The following SHISA9 variants were observed in gnomAD, a reference collection of about 807,000 sequenced individuals.
SHISA9 encodes shisa family member 9, also known as protein shisa-9.
SHISA9 carries 13 observed loss-of-function variants against 38.0 expected under a neutral mutation model. The observed-to-expected ratio is 0.34, with a 90% CI of 0.22 to 0.54. The LOEUF (loss-of-function observed/expected upper bound fraction) is 0.54, where lower values mean the gene tolerates loss of function less well. SHISA9 is among the 20% of genes least tolerant of loss of function. SHISA9 has a pLI of 0.91. For synonymous variants in SHISA9, 275 were observed against 242.0 expected (o/e 1.14, Z -1.27); for missense variants, 538 against 575.8 (o/e 0.93, Z 0.67).
In SHISA9 at chr16:13,150,430, C is replaced by A. The variant is rs74012291; in HGVS notation, c.692-52964C>A. On this transcript the variant is annotated intron_variant, in intron 2 of 4. Coordinates refer to ENST00000558583, the MANE Select transcript of SHISA9 (RefSeq NM_001145204.3). Reference sequence around the variant, plus strand: ...TCCATGTCTCCCAACCCCCTGCCATCCTTCATTATTGTGGTAGACTTGGCC... The same window carrying A: ...TCCATGTCTCCCAACCCCCTGCCATACTTCATTATTGTGGTAGACTTGGCC... Among the ~76,000 whole-genome samples, 503 of 152,262 alleles carry A rather than the reference C, an allele frequency of 3.3e-3. 5 individuals carry two copies. The highest frequency in any genetic ancestry group is 0.012 in the African/African-American group (480 of 41,542).
chr16:13,254,247 T>C, the SHISA9 span, among the ~76,000 whole-genome samples: 1 of 152,212 alleles, frequency 6.6e-6, no homozygotes. Flanking sequence ...TGAAGTGATT[T>C]GCCCAAAGCC....
the SHISA9 span, among the ~76,000 whole-genome samples, chr16:13,543,978 T>G: frequency 6.6e-6 from 1 of 152,008 alleles, no homozygotes; most frequent in East Asian, 1.9e-4. Flanking sequence ...GCTGAACAAA[T>G]AGAAACCCAG....
At chr16:13,258,849 A>C in the SHISA9 span, among the ~76,000 whole-genome samples, 2 of 152,210 alleles carry the variant, frequency 1.3e-5, no homozygotes, top group Non-Finnish European at 2.9e-5. Flanking sequence ...ATACATGGGA[A>C]TTCTAGGAGA....
At chr16:13,530,843 G>A in the SHISA9 span, among the ~76,000 whole-genome samples, 1 of 152,156 alleles carries the variant, frequency 6.6e-6, no homozygotes, top group South Asian at 2.1e-4. Context: ...ATTGGTTCAG[G>A]AATGGTCATG....
chr16:13,333,635 G>C, the SHISA9 span, among the ~76,000 whole-genome samples: 1 of 152,172 alleles, frequency 6.6e-6, no homozygotes, highest in Non-Finnish European at 1.5e-5. Flanking sequence ...TAATGATCCA[G>C]GTTTCATTCA....
chr16:13,271,259 C>T, the SHISA9 span, among the ~76,000 whole-genome samples: 11 of 152,170 alleles, frequency 7.2e-5, no homozygotes, highest in Admixed American at 6.5e-4. Flanking sequence ...ACAAACATTA[C>T]CTGTTGGACT....
the SHISA9 span, among the ~76,000 whole-genome samples, chr16:13,342,209 G>A: frequency 7.2e-5 from 11 of 152,134 alleles, no homozygotes; most frequent in South Asian, 4.2e-4. Flanking sequence ...ATTATTTCAC[G>A]TGCTCTATAT....
At chr16:13,447,056 GAA>G in the SHISA9 span, among the ~76,000 whole-genome samples, 27 of 150,808 alleles carry the variant, frequency 1.8e-4, no homozygotes, top group African/African-American at 5.1e-4. Flanking sequence ...GAGAGAGAGA[GAA>G]AGAAAGAATA....
the SHISA9 span, among the ~76,000 whole-genome samples, chr16:13,463,956 T>A: frequency 1.3e-5 from 2 of 152,260 alleles, no homozygotes; most frequent in African/African-American, 4.8e-5. Context: ...AATTTTTTCC[T>A]AGTTACGTTA....
the SHISA9 span, among the ~76,000 whole-genome samples, chr16:13,502,677 C>T: frequency 6.6e-6 from 1 of 152,090 alleles, no homozygotes; most frequent in South Asian, 2.1e-4. Context: ...AAGCTCGAGA[C>T]CAGCCTGGCC....
chr16:13,300,750 C>T, the SHISA9 span, among the ~76,000 whole-genome samples: 1 of 152,112 alleles, frequency 6.6e-6, no homozygotes, highest in African/African-American at 2.4e-5. Flanking sequence ...TCAAAGAGAC[C>T]AGGTTTCATT....
the SHISA9 span, among the ~76,000 whole-genome samples, chr16:13,357,428 C>T: frequency 2.4e-4 from 36 of 152,132 alleles, no homozygotes; most frequent in Admixed American, 2.1e-3. Flanking sequence ...GGCCGCTTAC[C>T]GGATTTGAAA....
intron 1 of SHISA9, among the ~76,000 whole-genome samples, chr16:12,904,903 A>T (rs2071072355): frequency 6.6e-6 from 1 of 152,232 alleles, no homozygotes. Flanking sequence ...TTTTTAGTAG[A>T]GACGGGTTTT....
chr16:13,308,508 G>A, the SHISA9 span, among the ~76,000 whole-genome samples: 2 of 152,248 alleles, frequency 1.3e-5, no homozygotes, highest in African/African-American at 2.4e-5. Flanking sequence ...GTGTCCCCAT[G>A]AGCATGGGTC....
chr16:13,522,675 T>C, the SHISA9 span, among the ~76,000 whole-genome samples: 1 of 152,212 alleles, frequency 6.6e-6, no homozygotes, highest in Admixed American at 6.5e-5. Context: ...GCTGACCTTA[T>C]AAAAGCTGCA....
the SHISA9 span, among the ~76,000 whole-genome samples, chr16:13,354,256 A>G: frequency 7.6e-5 from 5 of 65,496 alleles, no homozygotes; most frequent in South Asian, 3.0e-3. Flanking sequence ...GAGGCAGGCT[A>G]GTGGCTTGTA....
chr16:13,498,498 T>C, the SHISA9 span, among the ~76,000 whole-genome samples: 1 of 152,210 alleles, frequency 6.6e-6, no homozygotes, highest in Admixed American at 6.5e-5. Context: ...GGCTCACACC[T>C]GTAATCCCAG....
intron 2 of SHISA9, among the ~76,000 whole-genome samples, chr16:12,967,038 C>T (rs528846399): frequency 1.3e-5 from 2 of 152,252 alleles, no homozygotes; most frequent in African/African-American, 2.4e-5. Context: ...TACCATTTGA[C>T]CCAGCCATCC....
Position 13,041,701 on chromosome 16 carries a change from C to T in SHISA9, c.691+124886C>T, listed in dbSNP as rs2073133499. 1.3e-5 allele frequency among the ~76,000 whole-genome samples: 2 copies of T among 152,198 alleles called. 1 individual carries two copies. Among genetic ancestry groups the T allele is most frequent in the South Asian group, 4.1e-4 (2 of 4,828 alleles). ...AGCTCACCCTCCATTTAGCAAAATG[C>T]CAGAGCCGTGCCTGGGCCAGCAGTT... is the stretch of plus-strand genomic sequence containing the variant. On this transcript the variant is annotated intron_variant, in intron 2 of 4. Coordinates refer to ENST00000558583, the MANE Select transcript of SHISA9 (RefSeq NM_001145204.3).
Sources: gnomAD v4.1 joint callset for allele counts (sites outside exome capture counted in the v4.1 genomes callset) on GRCh38, gnomAD v4.1.1 for gene constraint, MANE v1.5 for transcripts, NCBI Gene and HGNC (gene_info 2026-07-23, HGNC 2026-07-21) for gene names.